Variants in ZNF827 observed in about 807,000 individuals in gnomAD.
ZNF827 encodes zinc finger protein 827.
In ZNF827, 13 loss-of-function variants were observed where a neutral mutation model predicts 102.4. The ratio of observed to expected loss-of-function variants is 0.13; its 90% CI spans 0.08 to 0.20. ZNF827 has a LOEUF of 0.20. Among genes scored for constraint, ZNF827 ranks in the 10% least tolerant of loss-of-function variants. ZNF827 has a pLI of 1.00. For synonymous variants in ZNF827, 523 were observed against 536.2 expected (o/e 0.98, Z 0.34); for missense variants, 1,103 against 1,344.4 (o/e 0.82, Z 2.81).
chr4:145,891,903 CTGCTTCT>C (rs1750635480), intron 3 of ZNF827, among the ~76,000 whole-genome samples: 1 of 152,190 alleles, frequency 6.6e-6, no homozygotes, highest in Non-Finnish European at 1.5e-5. Context: ...TTGGCTTTCC[CTGCTTCT>C]TGCTATTCCC....
intron 1 of ZNF827, among the ~76,000 whole-genome samples, chr4:145,934,173 A>G (rs1753997245): frequency 1.3e-5 from 2 of 152,186 alleles, no homozygotes; most frequent in Admixed American, 6.5e-5. Context: ...CTCGTGTAAT[A>G]ATTTTTAAAA....
In ZNF827 at chr4:145,901,057, T is replaced by C. The variant is rs75235309; in HGVS notation, c.1093+1109A>G. Reference sequence around the variant, plus strand: ...TTTTGAAGTACTTATAATTAGTGAATATAGCTCACTCAGCCATTTAAATGG... The same window carrying C: ...TTTTGAAGTACTTATAATTAGTGAACATAGCTCACTCAGCCATTTAAATGG... On this transcript the variant is annotated intron_variant, in intron 2 of 14. Coordinates refer to ENST00000508784, the MANE Select transcript of ZNF827 (RefSeq NM_001306215.2). 5.0e-3 allele frequency among the ~76,000 whole-genome samples: 768 copies of C among 152,330 alleles called. 7 individuals are homozygous for C. Among genetic ancestry groups the C allele is most frequent in the African/African-American group, 0.017 (716 of 41,572 alleles).
chr4:145,914,463 A>G (rs1320267087), intron 1 of ZNF827, among the ~76,000 whole-genome samples: 4 of 152,226 alleles, frequency 2.6e-5, no homozygotes, highest in Non-Finnish European at 5.9e-5. Context: ...CCTAACTCAA[A>G]GTTAACTTTA....
chr4:145,925,737 T>G (rs1429412195), intron 1 of ZNF827, among the ~76,000 whole-genome samples: 2 of 152,204 alleles, frequency 1.3e-5, no homozygotes, highest in African/African-American at 4.8e-5. Flanking sequence ...TTTCCAACTT[T>G]AAATAGAAAC....
intron 6 of ZNF827, 83 bp downstream of exon 6, chr4:145,849,239 T>G: frequency 3.1e-6 from 4 of 1,305,548 alleles, no homozygotes; most frequent in African/African-American, 2.6e-5. Context: ...TAATTCAGGT[T>G]TTTTTTTTTA....
intron 1 of ZNF827, among the ~76,000 whole-genome samples, chr4:145,915,223 G>A (rs1011650846): frequency 9.9e-5 from 15 of 152,160 alleles, no homozygotes; most frequent in Admixed American, 3.3e-4. Context: ...TGAGGCGGGT[G>A]GATCACCTGA....
intron 1 of ZNF827, among the ~76,000 whole-genome samples, chr4:145,915,170 G>A (rs563713162): frequency 1.6e-4 from 25 of 152,280 alleles, no homozygotes; most frequent in South Asian, 1.2e-3. Context: ...TCTCTTGGCC[G>A]GGTGTGGTAG....
chr4:145,867,280 C>G (rs1305822268), intron 5 of ZNF827, among the ~76,000 whole-genome samples: 1 of 152,176 alleles, frequency 6.6e-6, no homozygotes, highest in East Asian at 1.9e-4. Context: ...CAGATTTTCC[C>G]CAATGCACAC....
At chr4:145,937,555 G>T (rs1754294241) in intron 1 of ZNF827, among the ~76,000 whole-genome samples, 1 of 145,366 alleles carries the variant, frequency 6.9e-6, no homozygotes, top group Non-Finnish European at 1.5e-5. Flanking sequence ...CTCGCCCCCC[G>T]CCCGGCCGCC....
intron 4 of ZNF827, among the ~76,000 whole-genome samples, chr4:145,870,932 G>A (rs1748629339): frequency 6.6e-6 from 1 of 152,188 alleles, no homozygotes; most frequent in Non-Finnish European, 1.5e-5. Context: ...GGTAAAGTGA[G>A]GATGGAGAAT....
chr4:145,770,237 T>C (rs1392067222), intron 11 of ZNF827, among the ~76,000 whole-genome samples: 1 of 151,934 alleles, frequency 6.6e-6, no homozygotes, highest in Non-Finnish European at 1.5e-5. Flanking sequence ...AGGTGGAGGT[T>C]GCAGTGAGCC....
intron 8 of ZNF827, among the ~76,000 whole-genome samples, chr4:145,812,995 T>C (rs1451276692): frequency 2.0e-5 from 3 of 152,234 alleles, no homozygotes; most frequent in Non-Finnish European, 4.4e-5. Flanking sequence ...TTGCGTGTTG[T>C]TCTAAGTTGA....
chr4:145,809,491 T>C (rs1741806557), intron 8 of ZNF827, among the ~76,000 whole-genome samples: 1 of 152,174 alleles, frequency 6.6e-6, no homozygotes, highest in South Asian at 2.1e-4. Flanking sequence ...GACTGAAAAC[T>C]AATAAAAGTC....
intron 8 of ZNF827, among the ~76,000 whole-genome samples, chr4:145,784,281 C>A (rs1441380062): frequency 6.6e-6 from 1 of 152,190 alleles, no homozygotes; most frequent in East Asian, 1.9e-4. Context: ...TGAGTGAACG[C>A]CAGCAACCAC....
intron 2 of ZNF827, among the ~76,000 whole-genome samples, chr4:145,897,757 C>T (rs374770801): frequency 3.3e-5 from 5 of 152,166 alleles, no homozygotes; most frequent in East Asian, 1.9e-4. Context: ...TAAATCACTG[C>T]GAAAATACAA....
At chr4:145,842,053 T>C (rs980569008) in intron 7 of ZNF827, among the ~76,000 whole-genome samples, 3 of 152,118 alleles carry the variant, frequency 2.0e-5, no homozygotes, top group Non-Finnish European at 4.4e-5. Flanking sequence ...AAATCATTAA[T>C]TGATGATTGT....
chr4:145,892,100 A>G (rs1027430052), intron 3 of ZNF827, 143 bp downstream of exon 3: 18 of 705,108 alleles, frequency 2.6e-5, no homozygotes, highest in African/African-American at 2.3e-4. Flanking sequence ...GTTGAATTCT[A>G]CCTTGCTACG....
intron 8 of ZNF827, among the ~76,000 whole-genome samples, chr4:145,822,323 G>A (rs760537427): frequency 3.0e-4 from 46 of 152,252 alleles, no homozygotes; most frequent in Non-Finnish European, 6.0e-4. Context: ...ATGACAAAGA[G>A]TTGCCTTCCC....
chr4:145,876,915 C>T (rs1050736423), intron 4 of ZNF827: 12 of 151,954 alleles, frequency 7.9e-5, no homozygotes, highest in Non-Finnish European at 7.4e-5. Context: ...TATGTGAAAC[C>T]GTACTTGTAT....
Sources: allele counts gnomAD v4.1 joint callset (sites outside exome capture counted in the v4.1 genomes callset), GRCh38; gene constraint gnomAD v4.1.1; transcripts MANE v1.5; gene names NCBI Gene and HGNC (gene_info 2026-07-23, HGNC 2026-07-21).